The following C12orf42 variants were observed in gnomAD, a reference collection of about 807,000 sequenced individuals.
C12orf42 encodes chromosome 12 open reading frame 42.
A neutral mutation model predicts 21.6 loss-of-function variants in C12orf42; 25 were observed. The ratio of observed to expected loss-of-function variants is 1.16; its 90% CI spans 0.84 to 1.62. The LOEUF is 1.62. C12orf42 is among the 40% of genes most tolerant of loss of function. The pLI is 0.00. For synonymous variants in C12orf42, 174 were observed against 175.0 expected, an observed-to-expected ratio of 0.99 and a Z score of 0.05; for missense variants, 483 against 459.3, an observed-to-expected ratio of 1.05 and a Z score of -0.47.
intron 4 of C12orf42, among the ~76,000 whole-genome samples, chr12:103,347,450 A>T (rs2042728666): frequency 6.6e-6 from 1 of 152,124 alleles, no homozygotes; most frequent in African/African-American, 2.4e-5. Context: ...AGTCCAGTCT[A>T]TCATTGATGG....
intron 2 of C12orf42, among the ~76,000 whole-genome samples, chr12:103,402,497 T>C (rs1465688957): frequency 3.3e-5 from 5 of 152,184 alleles, no homozygotes; most frequent in East Asian, 1.9e-4. Context: ...TCTGCTAAGA[T>C]TGGTGTCATG....
chr12:103,101,072 C>T, the C12orf42 span, among the ~76,000 whole-genome samples: 3 of 152,158 alleles, frequency 2.0e-5, no homozygotes, highest in Admixed American at 1.3e-4. Context: ...AACTCGGGAG[C>T]CTCCATTTCT....
chr12:103,133,212 A>C, the C12orf42 span, among the ~76,000 whole-genome samples: 1 of 152,094 alleles, frequency 6.6e-6, no homozygotes, highest in South Asian at 2.1e-4. Flanking sequence ...GGGCCTAGGG[A>C]CTGGCCTGCT....
At chr12:103,108,114 A>G in the C12orf42 span, among the ~76,000 whole-genome samples, 1 of 151,280 alleles carries the variant, frequency 6.6e-6, no homozygotes, top group Non-Finnish European at 1.5e-5. Flanking sequence ...AAAACCTATT[A>G]AAATAAATAA....
At chr12:103,451,787 C>A (rs1951960092) in intron 2 of C12orf42, among the ~76,000 whole-genome samples, 1 of 151,986 alleles carries the variant, frequency 6.6e-6, no homozygotes, top group Non-Finnish European at 1.5e-5. Flanking sequence ...CCTTATCCAG[C>A]CTCCAATAAC....
intron 2 of C12orf42, among the ~76,000 whole-genome samples, chr12:103,412,793 G>T (rs2048962804): frequency 6.6e-6 from 1 of 152,024 alleles, no homozygotes; most frequent in Non-Finnish European, 1.5e-5. Context: ...CATATACTTT[G>T]CCCATTTTTA....
chr12:103,251,004 C>G (rs1565994969), intron 10 of C12orf42, among the ~76,000 whole-genome samples: 1 of 152,044 alleles, frequency 6.6e-6, no homozygotes, highest in Non-Finnish European at 1.5e-5. Context: ...TAAAGACCAC[C>G]CCTTTCTGGC....
intron 2 of C12orf42, among the ~76,000 whole-genome samples, chr12:103,414,869 TTTTA>T (rs1226019419): frequency 6.6e-6 from 1 of 152,172 alleles, no homozygotes; most frequent in African/African-American, 2.4e-5. Context: ...TTTGGATGCC[TTTTA>T]TTTCTTTCTC....
At chr12:103,261,887 A>G (rs761811791) in intron 10 of C12orf42, among the ~76,000 whole-genome samples, 5 of 152,204 alleles carry the variant, frequency 3.3e-5, no homozygotes, top group South Asian at 2.1e-4. Flanking sequence ...AAATTTTGCT[A>G]GGGTTTGAAA....
chr12:103,186,762 T>G, the C12orf42 span, among the ~76,000 whole-genome samples: 2 of 152,192 alleles, frequency 1.3e-5, no homozygotes, highest in Non-Finnish European at 2.9e-5. Context: ...CCAGTGGCCT[T>G]GGGCTCCAGA....
the C12orf42 span, among the ~76,000 whole-genome samples, chr12:103,224,630 C>G: frequency 6.6e-6 from 1 of 152,106 alleles, no homozygotes; most frequent in Non-Finnish European, 1.5e-5. Flanking sequence ...GCTGAAGGAG[C>G]CGGGGAGCAG....
At chr12:103,350,648 A>G (rs2043031098) in intron 4 of C12orf42, among the ~76,000 whole-genome samples, 1 of 152,044 alleles carries the variant, frequency 6.6e-6, no homozygotes, top group South Asian at 2.1e-4. Flanking sequence ...CTTGGAATGT[A>G]TTTCCCCCAT....
chr12:103,551,405 G>A, the C12orf42 span, among the ~76,000 whole-genome samples: 2 of 152,150 alleles, frequency 1.3e-5, no homozygotes, highest in Non-Finnish European at 2.9e-5. Flanking sequence ...TAATCCTAAT[G>A]TTTTGGAAGG....
At chr12:103,295,430 T>C (rs1340056552) in intron 4 of C12orf42, among the ~76,000 whole-genome samples, 1 of 152,010 alleles carries the variant, frequency 6.6e-6, no homozygotes, top group Non-Finnish European at 1.5e-5. Flanking sequence ...TTTTTTAACA[T>C]ATAACTTGCT....
chr12:103,154,381 C>A, the C12orf42 span, among the ~76,000 whole-genome samples: 1 of 151,976 alleles, frequency 6.6e-6, no homozygotes, highest in Non-Finnish European at 1.5e-5. Flanking sequence ...ACAAAAAAAC[C>A]CAACACCTTG....
intron 4 of C12orf42, among the ~76,000 whole-genome samples, chr12:103,326,650 C>G (rs1412245905): frequency 6.6e-6 from 1 of 152,152 alleles, no homozygotes; most frequent in Non-Finnish European, 1.5e-5. Context: ...GTTCCCTCTG[C>G]TTAGAATGCT....
chr12:103,301,948 C>A, downstream of C12orf42: 2 of 811,284 alleles, frequency 2.5e-6, no homozygotes, highest in Non-Finnish European at 3.8e-6. Context: ...TTTTTGGCTG[C>A]GCTAGGGACT....
intron 10 of C12orf42, among the ~76,000 whole-genome samples, chr12:103,245,233 T>C (rs976407386): frequency 1.3e-5 from 2 of 152,098 alleles, no homozygotes; most frequent in African/African-American, 4.8e-5. Context: ...CTAGTAAAGA[T>C]AAATGAACAC....
rs571165732 is a variant in C12orf42, at chr12:103,281,451, C to G, written n.338-4241G>C. On this transcript the variant is annotated intron_variant and non_coding_transcript_variant, in intron 4 of 6. Transcript: ENST00000546526. ...GGTCTCGGCTCACTGCCAGCTCCAC[C>G]TCCTGGGTTCATGCCATTCTCCTGC... is the stretch of plus-strand genomic sequence containing the variant. Among the ~76,000 whole-genome samples, 10 of 152,308 alleles carry G rather than the reference C, an allele frequency of 6.6e-5. No homozygotes were observed. In the East Asian group the frequency reaches 1.9e-3, roughly 29 times the overall value.
Sources: allele counts gnomAD v4.1 joint callset (sites outside exome capture counted in the v4.1 genomes callset), GRCh38; gene constraint gnomAD v4.1.1; transcripts MANE v1.5; gene names NCBI Gene and HGNC (gene_info 2026-07-23, HGNC 2026-07-21).